Variants in NAALADL2 observed in about 807,000 individuals in gnomAD.
NAALADL2 encodes inactive N-acetylated-alpha-linked acidic dipeptidase-like protein 2.
NAALADL2 carries 76 observed loss-of-function variants against 87.2 expected under a neutral mutation model. The ratio of observed to expected loss-of-function variants is 0.87; its 90% CI spans 0.72 to 1.05. NAALADL2 has a LOEUF of 1.05. NAALADL2 is among the 50% of genes least tolerant of loss of function. The pLI, the probability that NAALADL2 is intolerant of heterozygous loss-of-function variation, is 0.00. For missense variants in NAALADL2, 1,089 were observed against 945.8 expected, an observed-to-expected ratio of 1.15 and a Z score of -1.99; for synonymous variants, 354 against 331.0, an observed-to-expected ratio of 1.07 and a Z score of -0.75.
intron 11 of NAALADL2, among the ~76,000 whole-genome samples, chr3:175,631,863 A>T (rs1727810549): frequency 6.6e-6 from 1 of 151,996 alleles, no homozygotes; most frequent in African/African-American, 2.4e-5. Flanking sequence ...AAGTTTCAAC[A>T]TTTATCTCCT....
At chr3:174,460,759 T>G (rs573179990) in intron 1 of NAALADL2, among the ~76,000 whole-genome samples, 1 of 152,198 alleles carries the variant, frequency 6.6e-6, no homozygotes, top group South Asian at 2.1e-4. Flanking sequence ...ATTTCTCTGT[T>G]GTTGAACACT....
intron 1 of NAALADL2, among the ~76,000 whole-genome samples, chr3:175,013,459 C>G (rs1328612306): frequency 6.7e-6 from 1 of 149,598 alleles, no homozygotes; most frequent in African/African-American, 2.5e-5. Context: ...CCACCACGCC[C>G]AGCTAATTTT....
intron 3 of NAALADL2, among the ~76,000 whole-genome samples, chr3:174,808,346 G>C (rs1044078671): frequency 6.6e-6 from 1 of 152,128 alleles, no homozygotes; most frequent in Non-Finnish European, 1.5e-5. Context: ...AGTTCCACTA[G>C]TGGGTTATGC....
intron 1 of NAALADL2, among the ~76,000 whole-genome samples, chr3:174,479,808 G>GTT (rs796561347): frequency 6.6e-6 from 1 of 150,590 alleles, no homozygotes; most frequent in East Asian, 1.9e-4. Context: ...AGAATCAGGT[G>GTT]TTTTTTTTTC....
At chr3:175,261,566 CTA>C (rs777638715) in intron 4 of NAALADL2, among the ~76,000 whole-genome samples, 5 of 151,872 alleles carry the variant, frequency 3.3e-5, no homozygotes, top group Non-Finnish European at 2.9e-5. Context: ...TCCAAAAACT[CTA>C]TTGCTTTTTT....
chr3:175,708,233 G>A (rs893773989), intron 11 of NAALADL2, among the ~76,000 whole-genome samples: 1 of 152,054 alleles, frequency 6.6e-6, no homozygotes, highest in Non-Finnish European at 1.5e-5. Context: ...TAAGAACAAA[G>A]GAAAGTTCCT....
chr3:175,486,407 C>A (rs1727264396), intron 9 of NAALADL2, among the ~76,000 whole-genome samples: 1 of 152,140 alleles, frequency 6.6e-6, no homozygotes, highest in African/African-American at 2.4e-5. Flanking sequence ...TTCACTGAAG[C>A]TCGTCTCTTA....
intron 2 of NAALADL2, among the ~76,000 whole-genome samples, chr3:174,635,928 C>A (rs1440930843): frequency 6.6e-6 from 1 of 152,068 alleles, no homozygotes; most frequent in Non-Finnish European, 1.5e-5. Context: ...CTAGATAATA[C>A]CCTCAGAATT....
intron 2 of NAALADL2, among the ~76,000 whole-genome samples, chr3:174,623,076 G>A (rs563073699): frequency 4.6e-5 from 7 of 152,214 alleles, no homozygotes; most frequent in South Asian, 4.2e-4. Context: ...CTGAAATGGT[G>A]GGCATCCCTA....
rs3040106 is a variant in NAALADL2, at chr3:174,819,058, C to CTTTTTTTTTTT, written c.-9+81330_-9+81340dup. 4.0e-4 allele frequency among the ~76,000 whole-genome samples: 19 copies of CTTTTTTTTTTT among 47,544 alleles called. 6 individuals carry two copies. The highest frequency in any genetic ancestry group is 1.2e-3 in the Admixed American group (4 of 3,466). The allele number at this position is 47,544 out of a possible 152,430, so 31.2% of individuals were successfully genotyped here. On this transcript the variant is annotated intron_variant, in intron 3 of 3. Transcript: ENST00000434257. ...GAATTTCTTTATTATACCATTTATTCTTTTTTTTTTTTTTTTTTTTTTTTT... is the reference window on the plus strand; with the variant it reads ...GAATTTCTTTATTATACCATTTATTCTTTTTTTTTTTTTTTTTTTTTTTTTTTTTTTTTTTT...
intron 5 of NAALADL2, among the ~76,000 whole-genome samples, chr3:175,433,608 C>T (rs1047656726): frequency 6.6e-6 from 1 of 151,942 alleles, no homozygotes; most frequent in African/African-American, 2.4e-5. Context: ...AAACTCATTA[C>T]TAAGTAAAAT....
At chr3:174,522,334 T>A (rs1200105205) in intron 1 of NAALADL2, among the ~76,000 whole-genome samples, 1 of 152,030 alleles carries the variant, frequency 6.6e-6, no homozygotes, top group African/African-American at 2.4e-5. Flanking sequence ...GATTAGGTCA[T>A]GAAGGAAGAG....
At chr3:175,399,177 TAA>T (rs761818998) in intron 5 of NAALADL2, among the ~76,000 whole-genome samples, 2 of 152,158 alleles carry the variant, frequency 1.3e-5, no homozygotes, top group Non-Finnish European at 2.9e-5. Context: ...TTAATTTTCT[TAA>T]TTACTATATT....
intron 2 of NAALADL2, among the ~76,000 whole-genome samples, chr3:174,592,473 G>C (rs1717476488): frequency 6.6e-6 from 1 of 152,116 alleles, no homozygotes; most frequent in Non-Finnish European, 1.5e-5. Flanking sequence ...AGAATCAGTA[G>C]TTAGGTAAGG....
At position 174,819,058 on chromosome 3, in the gene NAALADL2, C is replaced by CTTTTT. The variant is rs3040106; in HGVS notation, c.-9+81336_-9+81340dup. ...GAATTTCTTTATTATACCATTTATT[C>CTTTTT]TTTTTTTTTTTTTTTTTTTTTTTTT... is the stretch of plus-strand genomic sequence containing the variant. On this transcript the variant is annotated intron_variant, in intron 3 of 3. Transcript: ENST00000434257. 4.8e-4 allele frequency among the ~76,000 whole-genome samples: 23 copies of CTTTTT among 47,544 alleles called. 2 individuals are homozygous for CTTTTT. The highest frequency in any genetic ancestry group is 6.8e-4 in the Non-Finnish European group (17 of 25,124). The allele number at this position is 47,544 out of a possible 152,430, so 31.2% of individuals were successfully genotyped here.
intron 2 of NAALADL2, among the ~76,000 whole-genome samples, chr3:174,578,654 G>A (rs754496058): frequency 2.0e-5 from 3 of 151,906 alleles, no homozygotes; most frequent in Admixed American, 6.6e-5. Context: ...GACAACAGAT[G>A]GTAACTTTGA....
chr3:174,572,643 A>G (rs1715065319), intron 2 of NAALADL2, among the ~76,000 whole-genome samples: 1 of 152,202 alleles, frequency 6.6e-6, no homozygotes. Flanking sequence ...GTCTAATGAA[A>G]AAGTTCAGCA....
chr3:175,490,959 G>A (rs1727983735), intron 9 of NAALADL2, among the ~76,000 whole-genome samples: 1 of 152,006 alleles, frequency 6.6e-6, no homozygotes, highest in East Asian at 1.9e-4. Flanking sequence ...GATATATAAT[G>A]ACTATATCTT....
rs1035786317 is a variant in NAALADL2, at chr3:174,457,821, A to C, written c.-184+16789A>C. 1.3e-4 allele frequency among the ~76,000 whole-genome samples: 20 copies of C among 151,980 alleles called. 1 individual carries two copies. Among genetic ancestry groups the C allele is most frequent in the Non-Finnish European group, 2.2e-4 (15 of 68,008 alleles). On this transcript the variant is annotated intron_variant, in intron 1 of 3. Coordinates refer to the NAALADL2 transcript ENST00000434257. ...GTGAGACTCCGTCTCAAAAAAACAA[A>C]AAAAAAAAGAGGTCATGTCTTTTGC...
Sources: allele counts gnomAD v4.1 joint callset (sites outside exome capture counted in the v4.1 genomes callset), GRCh38; gene constraint gnomAD v4.1.1; transcripts MANE v1.5; gene names NCBI Gene and HGNC (gene_info 2026-07-23, HGNC 2026-07-21).